FTO: variants seen among roughly 807,000 people sequenced by gnomAD.
The protein encoded by FTO is FTO alpha-ketoglutarate dependent dioxygenase, also known as alpha-ketoglutarate-dependent dioxygenase FTO.
Under a neutral mutation model 63.9 loss-of-function variants are expected in FTO, and 47 were observed. That is an observed-to-expected ratio of 0.74 (90% CI 0.58 to 0.94). The LOEUF (loss-of-function observed/expected upper bound fraction) is 0.94. Among genes scored for constraint, FTO ranks in the 40% least tolerant of loss-of-function variants. The pLI is 0.00. For synonymous variants in FTO, 207 were observed against 224.4 expected, an observed-to-expected ratio of 0.92 and a Z score of 0.69; for missense variants, 562 against 618.1, an observed-to-expected ratio of 0.91 and a Z score of 0.96.
intron 5 of FTO, among the ~76,000 whole-genome samples, chr16:53,874,616 T>C (rs2080594562): frequency 1.3e-5 from 2 of 152,052 alleles, no homozygotes; most frequent in South Asian, 4.1e-4. Flanking sequence ...TGTGAGAAAA[T>C]TGGGCGGAAG....
chr16:53,797,379 C>T (rs1160287470), intron 1 of FTO, among the ~76,000 whole-genome samples: 1 of 152,174 alleles, frequency 6.6e-6, no homozygotes, highest in Non-Finnish European at 1.5e-5. Flanking sequence ...TTTCACTGCC[C>T]TAAAGATTCT....
chr16:53,711,537 C>A (rs1054779474), intron 1 of FTO: 52 of 398,042 alleles, frequency 1.3e-4, no homozygotes, highest in Non-Finnish European at 1.6e-4. Context: ...GCCTAGTAGT[C>A]ATGGAATTCC....
chr16:53,859,484 TATTTC>T (rs2080107089), intron 4 of FTO, among the ~76,000 whole-genome samples: 1 of 149,404 alleles, frequency 6.7e-6, no homozygotes, highest in African/African-American at 2.4e-5. Flanking sequence ...ATGATATATA[TATTTC>T]ATTATATGAT....
At chr16:53,788,817 G>A (rs537070933) in intron 1 of FTO, among the ~76,000 whole-genome samples, 2 of 152,212 alleles carry the variant, frequency 1.3e-5, no homozygotes, top group South Asian at 4.2e-4. Context: ...ATAAGTAAGT[G>A]TGTAAATACA....
chr16:54,056,721 G>C (rs1357603492), intron 8 of FTO, among the ~76,000 whole-genome samples: 1 of 152,176 alleles, frequency 6.6e-6, no homozygotes, highest in Non-Finnish European at 1.5e-5. Context: ...TCAAGCCTCA[G>C]GTGACTGCAG....
intron 1 of FTO, among the ~76,000 whole-genome samples, chr16:53,763,640 G>C (rs2077123915): frequency 6.6e-6 from 1 of 152,176 alleles, no homozygotes; most frequent in Non-Finnish European, 1.5e-5. Flanking sequence ...AAATTGGCAA[G>C]TTTCTGTCAC....
intron 8 of FTO, among the ~76,000 whole-genome samples, chr16:53,987,123 T>TA (rs1395892072): frequency 3.3e-5 from 5 of 152,114 alleles, no homozygotes; most frequent in East Asian, 1.9e-4. Flanking sequence ...CGTCTTGCTC[T>TA]AAAAAAATTA....
chr16:53,900,299 T>C (rs540239422), intron 7 of FTO, among the ~76,000 whole-genome samples: 12 of 152,288 alleles, frequency 7.9e-5, no homozygotes, highest in African/African-American at 2.6e-4. Context: ...CTTGATTACA[T>C]TTTTGGATGC....
At chr16:54,034,461 G>C (rs941789868) in intron 8 of FTO, among the ~76,000 whole-genome samples, 3 of 152,168 alleles carry the variant, frequency 2.0e-5, no homozygotes, top group African/African-American at 7.2e-5. Context: ...ATTGGAATGA[G>C]GAAGCTTTTA....
chr16:53,758,101 A>T (rs184204324), intron 1 of FTO, among the ~76,000 whole-genome samples: 2 of 152,300 alleles, frequency 1.3e-5, no homozygotes, highest in Admixed American at 6.5e-5. Context: ...CACCTGCCAG[A>T]TAGGTGTAAG....
chr16:53,964,188 T>C (rs1462094806), intron 8 of FTO, among the ~76,000 whole-genome samples: 4 of 152,246 alleles, frequency 2.6e-5, no homozygotes, highest in Non-Finnish European at 5.9e-5. Context: ...GCAAACTTTT[T>C]CTTTAAAAGG....
At chr16:53,844,859 A>G (rs1342182153) in intron 4 of FTO, among the ~76,000 whole-genome samples, 2 of 152,110 alleles carry the variant, frequency 1.3e-5, no homozygotes, top group African/African-American at 4.8e-5. Context: ...ATCCAAGTCA[A>G]ATTATAACTT....
intron 6 of FTO, chr16:53,887,778 A>G (rs935149729): frequency 3.3e-5 from 5 of 151,902 alleles, no homozygotes; most frequent in African/African-American, 1.2e-4. Context: ...TATGATTGCT[A>G]CTCTTGTTTT....
chr16:53,804,764 C>T (rs12445512), intron 1 of FTO, among the ~76,000 whole-genome samples: 4,843 of 151,588 alleles, frequency 0.032, 91 homozygotes, highest in South Asian at 0.092. Context: ...TACAGGTGTG[C>T]GCCACCATGG....
chr16:53,903,238 C>G (rs994462099), intron 7 of FTO, among the ~76,000 whole-genome samples: 1 of 151,756 alleles, frequency 6.6e-6, no homozygotes, highest in Non-Finnish European at 1.5e-5. Context: ...CTTTCCATAC[C>G]TTTCTAGGGA....
At chr16:54,071,655 G>T (rs1235496093) in intron 8 of FTO, 1 of 152,080 alleles carries the variant, frequency 6.6e-6, no homozygotes, top group Non-Finnish European at 1.5e-5. Context: ...GACAAATTGG[G>T]TGCCTGCATG....
intron 5 of FTO, among the ~76,000 whole-genome samples, chr16:53,875,386 G>A (rs1031839023): frequency 2.6e-5 from 4 of 152,166 alleles, no homozygotes; most frequent in African/African-American, 9.7e-5. Flanking sequence ...TGTTCATGGG[G>A]ATAAGAATCG....
chr16:54,104,862 T>C (rs1265306256), intron 8 of FTO, among the ~76,000 whole-genome samples: 2 of 152,242 alleles, frequency 1.3e-5, no homozygotes, highest in Non-Finnish European at 2.9e-5. Flanking sequence ...TCGTTTTTAT[T>C]TGCGAGCGTT....
At chr16:53,929,883 G>T (rs971854797) in intron 7 of FTO, among the ~76,000 whole-genome samples, 10 of 152,176 alleles carry the variant, frequency 6.6e-5, no homozygotes, top group African/African-American at 2.4e-4. Context: ...AGTTTTATCT[G>T]CAAAGTGTTT....
Sources: allele counts gnomAD v4.1 joint callset (sites outside exome capture counted in the v4.1 genomes callset), GRCh38; gene constraint gnomAD v4.1.1; transcripts MANE v1.5; gene names NCBI Gene and HGNC (gene_info 2026-07-23, HGNC 2026-07-21).